The following COL19A1 variants were observed in gnomAD, a reference collection of about 807,000 sequenced individuals.
The protein encoded by COL19A1 is collagen type XIX alpha 1 chain.
In COL19A1, 159 loss-of-function variants were observed where a neutral mutation model predicts 190.2. The ratio of observed to expected loss-of-function variants is 0.84; its 90% CI spans 0.73 to 0.95. The LOEUF (loss-of-function observed/expected upper bound fraction) is 0.95. COL19A1 is among the 40% of genes least tolerant of loss of function. The probability of loss-of-function intolerance (pLI) is 0.00; values close to 1 mark genes in which losing one functional copy is unlikely to be tolerated. For synonymous variants in COL19A1, 509 were observed against 458.9 expected (o/e 1.11, Z -1.39); for missense variants, 1,418 against 1,431.9 (o/e 0.99, Z 0.16).
intron 12 of COL19A1, among the ~76,000 whole-genome samples, chr6:70,029,362 CT>C (rs2150111249): frequency 6.6e-6 from 1 of 152,198 alleles, no homozygotes; most frequent in South Asian, 2.1e-4. Flanking sequence ...TGCTCTTCAG[CT>C]TTTGTCTTGC....
chr6:69,983,012 A>ATAAATAAATAAG (rs1272534787), intron 11 of COL19A1, among the ~76,000 whole-genome samples: 14 of 149,666 alleles, frequency 9.4e-5, no homozygotes, highest in African/African-American at 3.5e-4. Flanking sequence ...AAATAAATAA[A>ATAAATAAATAAG]TAAATAAATA....
chr6:70,067,310 C>T (rs565079690), intron 14 of COL19A1, among the ~76,000 whole-genome samples: 5 of 152,076 alleles, frequency 3.3e-5, no homozygotes, highest in Admixed American at 6.6e-5. Context: ...TGAATCCAAA[C>T]GTATCTTGTA....
In COL19A1 at chr6:70,156,215, A is replaced by G; in HGVS notation, c.2168A>G (p.Asp723Gly). The G allele has an allele frequency of 6.2e-7, 1 of 1,613,350 alleles. No individual in the cohort carries two copies. Among genetic ancestry groups the G allele is most frequent in the Non-Finnish European group, 8.5e-7 (1 of 1,179,584 alleles). ...GGTGCTGGTGAGCCTGGAAAGTATG[A>G]TTCCATGGCCCGGAAGGTGAGAAGC... The part of the protein sequence containing the change: ...EGGAGEPGKY[D>G]SMARKGDIGP... The change falls in exon 32 of 51, where the codon GAT (aspartate) becomes GGT (glycine). Residue 723 changes from aspartate (D) to glycine (G), a missense_variant. Physicochemically the swap from Asp to Gly is moderately conservative, Grantham distance 94. Coordinates refer to ENST00000620364, the MANE Select transcript of COL19A1 (RefSeq NM_001858.6).
intron 12 of COL19A1, among the ~76,000 whole-genome samples, chr6:70,025,878 C>T (rs1778706128): frequency 6.6e-6 from 1 of 152,192 alleles, no homozygotes; most frequent in South Asian, 2.1e-4. Flanking sequence ...AGGTAAAATA[C>T]ATATGATTTG....
chr6:70,173,187 C>A (rs553840156), intron 41 of COL19A1, among the ~76,000 whole-genome samples: 3 of 152,122 alleles, frequency 2.0e-5, no homozygotes, highest in African/African-American at 7.2e-5. Flanking sequence ...TTGGAGATAT[C>A]TGTTAGACAG....
chr6:69,921,767 CGT>C lies in COL19A1; in HGVS notation c.267-6141_267-6140del, dbSNP rs1771970286. 3.6e-5 allele frequency among the ~76,000 whole-genome samples: 5 copies of C among 139,926 alleles called. No individual in the cohort carries two copies. In the Admixed American group the frequency reaches 3.6e-4, roughly 10 times the overall value. The allele number at this position is 139,926 out of a possible 152,430, so 91.8% of individuals were successfully genotyped here. ...GTATATGTATATTCGTATGTAGATT[CGT>C]ATATGTATATTCGTATGTAGATTCG... On this transcript the variant is annotated intron_variant, in intron 4 of 50. Transcript: ENST00000620364.
intron 15 of COL19A1, among the ~76,000 whole-genome samples, chr6:70,086,276 C>T (rs1162465374): frequency 6.6e-6 from 1 of 151,928 alleles, no homozygotes; most frequent in Non-Finnish European, 1.5e-5. Flanking sequence ...CTGCCCCACC[C>T]CCCTGACACA....
At chr6:69,934,944 G>A (rs553948420) in intron 7 of COL19A1, among the ~76,000 whole-genome samples, 2 of 151,934 alleles carry the variant, frequency 1.3e-5, no homozygotes, top group African/African-American at 2.4e-5. Context: ...AATTTTTAAT[G>A]TAGTTGCTTA....
chr6:70,079,111 G>C (rs1216760942), intron 15 of COL19A1, among the ~76,000 whole-genome samples: 1 of 152,108 alleles, frequency 6.6e-6, no homozygotes, highest in African/African-American at 2.4e-5. Flanking sequence ...AAGTAATAAA[G>C]GGCATGATTA....
At position 69,900,290 on chromosome 6, in the gene COL19A1, A is replaced by G; in HGVS notation, c.218A>G (p.Asp73Gly). The change falls in exon 4 of 51, where the codon GAT becomes GGT. Residue 73 changes from aspartate to glycine, a missense_variant. By Grantham distance (94) the Asp-to-Gly change is moderately conservative. Coordinates refer to ENST00000620364, the MANE Select transcript of COL19A1 (RefSeq NM_001858.6). ...CTAAGACGTGCATTTTGTGAAAGTG[A>G]TAAAACCTGTTTCAAATTGGGAAGT... ...FSLRRAFCES[D>G]KTCFKLGSAL... 6.3e-7 allele frequency: 1 copy of G among 1,595,930 alleles called. No individual in the cohort carries two copies. The highest frequency in any genetic ancestry group is 2.3e-5 in the East Asian group (1 of 44,068).
intron 15 of COL19A1, among the ~76,000 whole-genome samples, chr6:70,090,333 A>AT (rs1157643665): frequency 6.6e-6 from 1 of 152,152 alleles, no homozygotes; most frequent in Non-Finnish European, 1.5e-5. Context: ...ATGTACAGAC[A>AT]TTTTTTTGGT....
intron 15 of COL19A1, among the ~76,000 whole-genome samples, chr6:70,078,916 A>C (rs1782063558): frequency 6.6e-6 from 1 of 152,032 alleles, no homozygotes; most frequent in African/African-American, 2.4e-5. Flanking sequence ...AAAATACAAA[A>C]ATTAGCTGGG....
At chr6:69,947,634 G>A (rs987894615) in intron 9 of COL19A1, among the ~76,000 whole-genome samples, 1 of 151,650 alleles carries the variant, frequency 6.6e-6, no homozygotes, top group Non-Finnish European at 1.5e-5. Context: ...TGAGTCCATT[G>A]TGTCATTATC....
Position 69,968,386 on chromosome 6 carries a change from G to A in COL19A1, c.1026+5516G>A, listed in dbSNP as rs893548297. 2.0e-5 allele frequency among the ~76,000 whole-genome samples: 3 copies of A among 152,148 alleles called. No individual in the cohort carries two copies. In the East Asian group the frequency reaches 5.8e-4, roughly 29 times the overall value. On this transcript the variant is annotated intron_variant, in intron 11 of 50. Transcript: ENST00000620364. ...GTCTCATATAGTCCTAGGCTCATAA[G>A]CTTGTTGGATAATTTATTTGGTAGC...
At chr6:70,129,882 A>C (rs1426547097) in intron 17 of COL19A1, among the ~76,000 whole-genome samples, 2 of 152,232 alleles carry the variant, frequency 1.3e-5, no homozygotes, top group African/African-American at 4.8e-5. Context: ...TGAAGTGGCC[A>C]GATGTGGATT....
chr6:70,171,360 G>C (rs1015136084), intron 40 of COL19A1, among the ~76,000 whole-genome samples: 1 of 152,062 alleles, frequency 6.6e-6, no homozygotes, highest in Admixed American at 6.6e-5. Context: ...GCTAGCCTGG[G>C]ACCATACACT....
intron 2 of COL19A1, among the ~76,000 whole-genome samples, chr6:69,895,585 C>T (rs1456238530): frequency 6.6e-6 from 1 of 152,166 alleles, no homozygotes; most frequent in African/African-American, 2.4e-5. Context: ...CCAGACTGTT[C>T]AAATCTCATG....
intron 1 of COL19A1, among the ~76,000 whole-genome samples, chr6:69,869,624 G>T (rs1308747958): frequency 6.6e-6 from 1 of 152,134 alleles, no homozygotes; most frequent in East Asian, 1.9e-4. Context: ...AGATGATATT[G>T]GATCATTGAT....
At chr6:70,193,987 T>C (rs1039932322) in intron 48 of COL19A1, among the ~76,000 whole-genome samples, 1 of 152,222 alleles carries the variant, frequency 6.6e-6, no homozygotes, top group Non-Finnish European at 1.5e-5. Flanking sequence ...GTTAAAACAG[T>C]TACAGTTAAG....
Sources: gnomAD v4.1 joint callset for allele counts (sites outside exome capture counted in the v4.1 genomes callset) on GRCh38, gnomAD v4.1.1 for gene constraint, MANE v1.5 for transcripts, NCBI Gene and HGNC (gene_info 2026-07-23, HGNC 2026-07-21) for gene names.